KCNQ3: variants seen among roughly 807,000 people sequenced by gnomAD.
KCNQ3 encodes the protein potassium voltage-gated channel subfamily KQT member 3.
A neutral mutation model predicts 92.5 loss-of-function variants in KCNQ3; 30 were observed. The observed-to-expected ratio is 0.32, with a 90% CI of 0.24 to 0.44. The LOEUF (loss-of-function observed/expected upper bound fraction) is 0.44. Among genes scored for constraint, KCNQ3 ranks in the 20% least tolerant of loss-of-function variants. KCNQ3 has a pLI of 1.00. For synonymous variants in KCNQ3, 450 were observed against 468.8 expected (o/e 0.96, Z 0.52); for missense variants, 913 against 1,140.3 (o/e 0.80, Z 2.87).
intron 1 of KCNQ3, among the ~76,000 whole-genome samples, chr8:132,408,369 T>A (rs1269715571): frequency 1.3e-5 from 2 of 152,150 alleles, no homozygotes; most frequent in African/African-American, 4.8e-5. Context: ...GTCCCTTCTG[T>A]GCACGCTCTG....
intron 1 of KCNQ3, among the ~76,000 whole-genome samples, chr8:132,244,036 C>A (rs947042554): frequency 6.6e-6 from 1 of 152,116 alleles, no homozygotes; most frequent in African/African-American, 2.4e-5. Context: ...TCCTAGATGT[C>A]ATTGTGCAGA....
intron 11 of KCNQ3, among the ~76,000 whole-genome samples, chr8:132,138,895 C>T (rs912712589): frequency 9.2e-5 from 14 of 152,204 alleles, no homozygotes; most frequent in African/African-American, 3.4e-4. Flanking sequence ...TCCTTCCCAT[C>T]TTTGTGCCAC....
chr8:132,209,465 T>A (rs1230194323), intron 1 of KCNQ3, among the ~76,000 whole-genome samples: 1 of 152,098 alleles, frequency 6.6e-6, no homozygotes, highest in African/African-American at 2.4e-5. Flanking sequence ...TGCTCTGGGT[T>A]ATCAGGTTCT....
intron 1 of KCNQ3, among the ~76,000 whole-genome samples, chr8:132,398,301 T>G (rs896123200): frequency 6.6e-6 from 1 of 152,178 alleles, no homozygotes; most frequent in Non-Finnish European, 1.5e-5. Context: ...CTGTGTGATA[T>G]AGTCTCTTCA....
intron 1 of KCNQ3, among the ~76,000 whole-genome samples, chr8:132,403,014 C>CA (rs1214559891): frequency 4.1e-4 from 1 of 2,424 alleles, no homozygotes; most frequent in Non-Finnish European, 8.5e-4. Context: ...GAGGCACCAT[C>CA]ACAAAAAAAA....
chr8:132,137,640 G>T (rs145546386), intron 12 of KCNQ3, among the ~76,000 whole-genome samples: 396 of 152,276 alleles, frequency 2.6e-3, no homozygotes, highest in African/African-American at 9.2e-3. Flanking sequence ...TTAAATGTGT[G>T]CTTTCTCCTC....
intron 1 of KCNQ3, among the ~76,000 whole-genome samples, chr8:132,314,230 T>C (rs897428273): frequency 6.6e-6 from 1 of 152,182 alleles, no homozygotes. Context: ...AGATAAAATT[T>C]TAAAAATTTC....
chr8:132,226,383 G>A (rs1051629556), intron 1 of KCNQ3, among the ~76,000 whole-genome samples: 4 of 152,170 alleles, frequency 2.6e-5, no homozygotes, highest in African/African-American at 7.2e-5. Flanking sequence ...ATGGAAAAAG[G>A]TGTATATGTG....
chr8:132,355,165 T>A (rs1818985917), intron 1 of KCNQ3, among the ~76,000 whole-genome samples: 1 of 152,208 alleles, frequency 6.6e-6, no homozygotes, highest in African/African-American at 2.4e-5. Context: ...GGATTTAGGA[T>A]GCTTTCCTTT....
intron 1 of KCNQ3, among the ~76,000 whole-genome samples, chr8:132,475,144 C>A (rs1195419711): frequency 2.0e-5 from 3 of 152,204 alleles, no homozygotes; most frequent in Non-Finnish European, 4.4e-5. Context: ...CCCAGCCATG[C>A]AGAACTGTGA....
intron 1 of KCNQ3, among the ~76,000 whole-genome samples, chr8:132,444,352 G>A (rs1301825864): frequency 3.9e-5 from 6 of 152,082 alleles, no homozygotes; most frequent in African/African-American, 9.7e-5. Flanking sequence ...CTGTGCCTTC[G>A]TGCTACAACT....
intron 1 of KCNQ3, among the ~76,000 whole-genome samples, chr8:132,310,982 C>T (rs191848461): frequency 6.1e-4 from 92 of 150,948 alleles, no homozygotes; most frequent in Non-Finnish European, 1.2e-3. Context: ...AGCTCTGTCG[C>T]CAGGCTGGAG....
At chr8:132,187,809 G>T (rs1422726537) in intron 1 of KCNQ3, among the ~76,000 whole-genome samples, 5 of 145,264 alleles carry the variant, frequency 3.4e-5, no homozygotes, top group East Asian at 2.0e-4. Context: ...TGATAGTGAT[G>T]GTGGTGGTGG....
chr8:132,132,333 G>C (rs1586753838), intron 13 of KCNQ3, 69 bp from the exon 14 acceptor site: 1 of 1,176,656 alleles, frequency 8.5e-7, no homozygotes, highest in African/African-American at 1.5e-5. Flanking sequence ...ATTTCGGCTA[G>C]GCAGGCCATG....
chr8:132,134,279 A>T lies in KCNQ3; in HGVS notation c.1799+11T>A. ...ACCCCTGGCCCATCAGTCCATGTCC[A>T]CTGGCCCCACCTGGGAGATTGCTGG... On this transcript the variant is annotated intron_variant, in intron 13 of 14. Transcript: ENST00000388996. The T allele has an allele frequency of 6.2e-7, 1 of 1,606,918 alleles. No homozygotes were observed. The highest frequency in any genetic ancestry group is 1.7e-5 in the Admixed American group (1 of 60,012).
intron 1 of KCNQ3, among the ~76,000 whole-genome samples, chr8:132,228,713 G>A (rs777028309): frequency 2.0e-5 from 3 of 151,686 alleles, no homozygotes; most frequent in Non-Finnish European, 4.4e-5. Context: ...TCAGTCTGGG[G>A]GTGCCTGAAA....
intron 1 of KCNQ3, among the ~76,000 whole-genome samples, chr8:132,419,819 G>A (rs1045983065): frequency 6.6e-6 from 1 of 152,158 alleles, no homozygotes; most frequent in African/African-American, 2.4e-5. Context: ...AACAACAACT[G>A]ATAAGTCCTG....
At position 132,373,152 on chromosome 8, in the gene KCNQ3, C is replaced by T. The variant is rs115011677; in HGVS notation, c.386+106995G>A. Among the ~76,000 whole-genome samples, 718 of 152,202 alleles carry T rather than the reference C, an allele frequency of 4.7e-3. 5 individuals carry two copies. Among genetic ancestry groups the T allele is most frequent in the African/African-American group, 0.016 (671 of 41,534 alleles). On this transcript the variant is annotated intron_variant, in intron 1 of 14. Coordinates refer to ENST00000388996, the MANE Select transcript of KCNQ3 (RefSeq NM_004519.4). Reference sequence around the variant, plus strand: ...GGGGCTCCTCTTAAGGCAAGTCATACTAGCACTCAGGGCCTCCAGCGTCAG... The same window carrying T: ...GGGGCTCCTCTTAAGGCAAGTCATATTAGCACTCAGGGCCTCCAGCGTCAG...
At chr8:132,299,481 G>A (rs1450028347) in intron 1 of KCNQ3, among the ~76,000 whole-genome samples, 1 of 152,140 alleles carries the variant, frequency 6.6e-6, no homozygotes, top group Non-Finnish European at 1.5e-5. Context: ...CACGGGGGAT[G>A]TTTGCTATTT....
Sources: gnomAD v4.1 joint callset for allele counts (sites outside exome capture counted in the v4.1 genomes callset) on GRCh38, gnomAD v4.1.1 for gene constraint, MANE v1.5 for transcripts, NCBI Gene and HGNC (gene_info 2026-07-23, HGNC 2026-07-21) for gene names.